CSMD1: variants seen among roughly 807,000 people sequenced by gnomAD.
CSMD1 encodes CUB and sushi domain-containing protein 1.
CSMD1 carries 213 observed loss-of-function variants against 417.5 expected under a neutral mutation model. The observed-to-expected ratio is 0.51, with a 90% CI of 0.46 to 0.57. The LOEUF (loss-of-function observed/expected upper bound fraction) is 0.57. Among genes scored for constraint, CSMD1 ranks in the 20% least tolerant of loss-of-function variants. The pLI is 0.00. For missense variants in CSMD1, 6,923 were observed against 4,529.7 expected, an observed-to-expected ratio of 1.53 and a Z score of -15.17; for synonymous variants, 2,862 against 1,736.8, an observed-to-expected ratio of 1.65 and a Z score of -16.11.
At chr8:3,694,648 G>C (rs772055116) in intron 7 of CSMD1, among the ~76,000 whole-genome samples, 3 of 151,974 alleles carry the variant, frequency 2.0e-5, no homozygotes, top group Non-Finnish European at 4.4e-5. Flanking sequence ...CTGGGTGGGT[G>C]GACACAGCAG....
Position 4,353,788 on chromosome 8 carries a change from G to A in CSMD1, c.415+66165C>T, listed in dbSNP as rs184624225. Among the ~76,000 whole-genome samples the A allele has an allele frequency of 4.5e-3, 692 of 152,192 alleles. 12 individuals carry two copies. The highest frequency in any genetic ancestry group is 0.016 in the African/African-American group (650 of 41,506). On this transcript the variant is annotated intron_variant, in intron 3 of 69. Transcript: ENST00000635120. ...CACACATTTGATTTACTTATTTGCT[G>A]GCTTATAAATGGCTCGATCATTAAA...
chr8:3,604,118 C>A (rs770865792), intron 8 of CSMD1, among the ~76,000 whole-genome samples: 14 of 152,138 alleles, frequency 9.2e-5, no homozygotes, highest in Admixed American at 2.0e-4. Context: ...GTACTGAACA[C>A]TGGAAACATG....
At chr8:4,703,043 T>C (rs976632447) in intron 1 of CSMD1, among the ~76,000 whole-genome samples, 1 of 152,208 alleles carries the variant, frequency 6.6e-6, no homozygotes, top group Non-Finnish European at 1.5e-5. Context: ...TTTATAATGT[T>C]CACAGTTTAG....
chr8:3,430,433 A>C (rs1210079665), intron 12 of CSMD1, among the ~76,000 whole-genome samples: 1 of 152,114 alleles, frequency 6.6e-6, no homozygotes, highest in African/African-American at 2.4e-5. Flanking sequence ...ATTGTCTGAC[A>C]TATGTAGTAG....
chr8:4,092,513 A>G (rs1800774056), intron 3 of CSMD1, among the ~76,000 whole-genome samples: 2 of 152,194 alleles, frequency 1.3e-5, no homozygotes, highest in South Asian at 4.1e-4. Context: ...CAGTAGGCAT[A>G]TTTAAAAAAA....
At chr8:4,340,141 C>A (rs1432068019) in intron 3 of CSMD1, among the ~76,000 whole-genome samples, 6 of 152,122 alleles carry the variant, frequency 3.9e-5, no homozygotes, top group Admixed American at 2.6e-4. Context: ...TCAGGGCTCT[C>A]ATTTAACATG....
rs1337091560 is a variant in CSMD1 at position 3,468,787 on chromosome 8, T to G, written c.1486A>C (p.Met496Leu). Residue 496 changes from methionine to leucine, a missense_variant, in exon 12 of 70, where the codon ATG becomes CTG. By Grantham distance (15) the Met-to-Leu change is conservative. Coordinates refer to ENST00000635120, the MANE Select transcript of CSMD1 (RefSeq NM_033225.6). ...GSSVPDLIVS[M>L]SNQMWLHLQS... Reference sequence around the variant, plus strand: ...AGATGTAGCCACATCTGGTTGCTCATGCTCACAATGAGGTCAGGAACACTG... The same window carrying G: ...AGATGTAGCCACATCTGGTTGCTCAGGCTCACAATGAGGTCAGGAACACTG... 2 of 1,604,518 alleles carry G rather than the reference T, an allele frequency of 1.2e-6. No individual in the cohort carries two copies. The highest frequency in any genetic ancestry group is 2.2e-5 in the East Asian group (1 of 44,688).
rs1803485294 is a variant in CSMD1, at chr8:3,846,141, T to C, written c.819-92099A>G. 3.3e-5 allele frequency among the ~76,000 whole-genome samples: 5 copies of C among 152,218 alleles called. No homozygotes were observed. The South Asian group carries it at 1.0e-3, about 32-fold the overall frequency. On this transcript the variant is annotated intron_variant, in intron 5 of 69. Coordinates refer to ENST00000635120, the MANE Select transcript of CSMD1 (RefSeq NM_033225.6). Reference sequence around the variant, plus strand: ...TATAAACCAGTACCATGGTTGTTTATGATCAGGATCAAGCATTATGCATGG... The same window carrying C: ...TATAAACCAGTACCATGGTTGTTTACGATCAGGATCAAGCATTATGCATGG...
At chr8:3,833,893 T>A (rs1366018021) in intron 5 of CSMD1, among the ~76,000 whole-genome samples, 1 of 152,190 alleles carries the variant, frequency 6.6e-6, no homozygotes, top group Non-Finnish European at 1.5e-5. Context: ...ACACCAAGTC[T>A]ATAATCCTAT....
intron 4 of CSMD1, among the ~76,000 whole-genome samples, chr8:4,027,843 G>T (rs1483470865): frequency 2.6e-5 from 4 of 152,224 alleles, no homozygotes; most frequent in African/African-American, 7.2e-5. Flanking sequence ...AGATCTACAT[G>T]ATCTATTAAA....
At chr8:3,506,346 C>A (rs775353538) in intron 10 of CSMD1, among the ~76,000 whole-genome samples, 1 of 152,132 alleles carries the variant, frequency 6.6e-6, no homozygotes, top group Non-Finnish European at 1.5e-5. Flanking sequence ...GGAGGCTTGC[C>A]GGAGTTTGCA....
chr8:3,031,865 CTTT>C (rs67843753), intron 50 of CSMD1, among the ~76,000 whole-genome samples: 8 of 141,424 alleles, frequency 5.7e-5, no homozygotes, highest in Admixed American at 1.4e-4. Context: ...TCACATCTCT[CTTT>C]TTTTTTTTTG....
At chr8:4,523,107 G>T (rs997693190) in intron 2 of CSMD1, among the ~76,000 whole-genome samples, 1 of 152,116 alleles carries the variant, frequency 6.6e-6, no homozygotes, top group Non-Finnish European at 1.5e-5. Context: ...GTGGTAGTGG[G>T]CCAAAATAAT....
chr8:4,434,236 G>C (rs551251435), intron 2 of CSMD1, among the ~76,000 whole-genome samples: 3 of 152,092 alleles, frequency 2.0e-5, no homozygotes, highest in Non-Finnish European at 4.4e-5. Flanking sequence ...TAATTCCATA[G>C]GGTGTGGCTG....
At chr8:4,857,129 A>G (rs903580790) in intron 1 of CSMD1, among the ~76,000 whole-genome samples, 1 of 151,332 alleles carries the variant, frequency 6.6e-6, no homozygotes, top group Non-Finnish European at 1.5e-5. Context: ...CAACCGCTCA[A>G]CTACATGGAA....
rs561589628 is a variant in CSMD1 at position 3,308,224 on chromosome 8, C to G, written c.3823+88G>C. 5 of 1,031,240 alleles carry G rather than the reference C, an allele frequency of 4.8e-6. No homozygotes were observed. In the South Asian group the frequency reaches 7.0e-5, roughly 14 times the overall value. The allele number at this position is 1,031,240 out of a possible 1,614,324, so 63.9% of individuals were successfully genotyped here. ...TGGAAAGTGTGATAAAATTCCTCCTCTTTTCCAATAAAGGAAGTCAATGCA... is the reference window on the plus strand; with the variant it reads ...TGGAAAGTGTGATAAAATTCCTCCTGTTTTCCAATAAAGGAAGTCAATGCA... On this transcript the variant is annotated intron_variant, in intron 24 of 69. Transcript: ENST00000635120.
chr8:4,077,297 GTA>G (rs200304943), intron 3 of CSMD1, among the ~76,000 whole-genome samples: 3,169 of 121,192 alleles, frequency 0.026, 70 homozygotes, highest in African/African-American at 0.041. Flanking sequence ...ATATATATGT[GTA>G]TATATATATA....
At chr8:4,280,290 T>C (rs910533551) in intron 3 of CSMD1, among the ~76,000 whole-genome samples, 2 of 152,228 alleles carry the variant, frequency 1.3e-5, no homozygotes, top group East Asian at 3.9e-4. Flanking sequence ...TTTTATAATG[T>C]AGTATATAAT....
At chr8:4,230,622 C>T (rs1455832411) in intron 3 of CSMD1, among the ~76,000 whole-genome samples, 2 of 152,022 alleles carry the variant, frequency 1.3e-5, no homozygotes, top group East Asian at 3.9e-4. Context: ...TGTTTTTAAA[C>T]CCCCAAATTT....
Sources: gnomAD v4.1 joint callset for allele counts (sites outside exome capture counted in the v4.1 genomes callset) on GRCh38, gnomAD v4.1.1 for gene constraint, MANE v1.5 for transcripts, NCBI Gene and HGNC (gene_info 2026-07-23, HGNC 2026-07-21) for gene names.